PTK2B: variants seen among roughly 807,000 people sequenced by gnomAD.
PTK2B encodes the protein protein-tyrosine kinase 2-beta.
PTK2B carries 71 observed loss-of-function variants against 142.9 expected under a neutral mutation model. The observed-to-expected ratio is 0.50, with a 90% CI of 0.41 to 0.61. PTK2B has a LOEUF of 0.61. Ranked by LOEUF, PTK2B falls within the 20% of genes least tolerant of loss-of-function variation. The pLI, the probability that PTK2B is intolerant of heterozygous loss-of-function variation, is 0.00. For synonymous variants in PTK2B, 519 were observed against 503.4 expected (o/e 1.03, Z -0.42); for missense variants, 1,105 against 1,320.4 (o/e 0.84, Z 2.53).
chr8:27,435,333 C>T lies in PTK2B; in HGVS notation c.1193-410C>T, dbSNP rs1810704724. ...CAGGACTGCACCACCTCCCAAAGGC[C>T]CCACCTCCTAATCCCATCGCATTGG... On this transcript the variant is annotated intron_variant, in intron 13 of 30. Transcript: ENST00000346049. Among the ~76,000 whole-genome samples, 4 of 152,226 alleles carry T rather than the reference C, an allele frequency of 2.6e-5. No homozygotes were observed. In the South Asian group the frequency reaches 8.3e-4, roughly 31 times the overall value.
chr8:27,310,712 TG>T, upstream of PTK2B: 1 of 1,418,452 alleles, frequency 7.0e-7, no homozygotes. Flanking sequence ...CACTGGGCTC[TG>T]GCAGGCAGGA....
At position 27,373,159 on chromosome 8, in the gene PTK2B, G is replaced by A. The variant is rs1034489496; in HGVS notation, c.-37-24389G>A. On this transcript the variant is annotated intron_variant, in intron 1 of 30. Transcript: ENST00000346049. ...GCTGCTTTTGGAGAAAAGACACCCA[G>A]GCCTAAACATCAGGGTCCTGCCCCT... 1.4e-4 allele frequency among the ~76,000 whole-genome samples: 22 copies of A among 152,182 alleles called. No individual in the cohort carries two copies. In the East Asian group the frequency reaches 4.3e-3, roughly 30 times the overall value.
intron 5 of PTK2B, 28 bp downstream of exon 5, chr8:27,422,411 A>G: frequency 6.3e-7 from 1 of 1,588,388 alleles, no homozygotes; most frequent in Admixed American, 1.7e-5. Context: ...CTCTGCTGGG[A>G]GGGCGCTGTG....
In PTK2B at chr8:27,339,278, T is replaced by G. The variant is rs542434240; in HGVS notation, c.-38+13597T>G. Among the ~76,000 whole-genome samples, 4 of 152,294 alleles carry G rather than the reference T, an allele frequency of 2.6e-5. No homozygotes were observed. The East Asian group carries it at 7.7e-4, about 29-fold the overall frequency. On this transcript the variant is annotated intron_variant, in intron 1 of 30. Transcript: ENST00000346049. ...GATTTTCTTGGGTGGGCCCCCCAGCTCTTCATTGCTCTTTCCATCAGCACA... is the reference window on the plus strand; with the variant it reads ...GATTTTCTTGGGTGGGCCCCCCAGCGCTTCATTGCTCTTTCCATCAGCACA...
intron 2 of PTK2B, among the ~76,000 whole-genome samples, chr8:27,403,295 C>T (rs895311475): frequency 6.6e-6 from 1 of 152,194 alleles, no homozygotes; most frequent in African/African-American, 2.4e-5. Flanking sequence ...TGGAAGCAGT[C>T]GCGAATCGCC....
At chr8:27,383,472 G>T (rs928406114) in intron 1 of PTK2B, among the ~76,000 whole-genome samples, 1 of 152,004 alleles carries the variant, frequency 6.6e-6, no homozygotes, top group African/African-American at 2.4e-5. Context: ...TCTCGAAATG[G>T]CTGGTCTCGA....
At chr8:27,359,534 G>A (rs1018334441) in intron 1 of PTK2B, among the ~76,000 whole-genome samples, 1 of 152,110 alleles carries the variant, frequency 6.6e-6, no homozygotes. Context: ...TGTATGGATC[G>A]TCACTGTGAA....
chr8:27,454,416 A>T (rs548983078), intron 29 of PTK2B, 115 bp from the exon 30 acceptor site: 2 of 1,543,144 alleles, frequency 1.3e-6, no homozygotes, highest in Non-Finnish European at 1.8e-6. Context: ...AGGGGAATTG[A>T]GTCCCAGGCC....
chr8:27,399,498 T>C (rs1808250874), intron 2 of PTK2B, among the ~76,000 whole-genome samples: 1 of 152,104 alleles, frequency 6.6e-6, no homozygotes, highest in South Asian at 2.1e-4. Flanking sequence ...GCAGAGAAAT[T>C]TGGAAATGGA....
At chr8:27,457,537 A>G (rs1812209361) in intron 30 of PTK2B, among the ~76,000 whole-genome samples, 1 of 152,246 alleles carries the variant, frequency 6.6e-6, no homozygotes. Flanking sequence ...ATCTGGCCAA[A>G]GTTCACTGAA....
At chr8:27,392,310 CTT>C (rs56770013) in intron 1 of PTK2B, among the ~76,000 whole-genome samples, 6 of 136,020 alleles carry the variant, frequency 4.4e-5, no homozygotes, top group Admixed American at 7.4e-5. Context: ...ACAAAGCGAG[CTT>C]TTTTTTTTTT....
chr8:27,352,212 C>A (rs1019155791), intron 1 of PTK2B, among the ~76,000 whole-genome samples: 57 of 152,222 alleles, frequency 3.7e-4, no homozygotes, highest in African/African-American at 1.3e-3. Context: ...CTGGTGGCTC[C>A]CCATCACCCC....
In PTK2B at chr8:27,387,760, T is replaced by C. The variant is rs551203787; in HGVS notation, c.-37-9788T>C. Among the ~76,000 whole-genome samples the C allele has an allele frequency of 2.6e-5, 4 of 152,254 alleles. No homozygotes were observed. In the South Asian group the frequency reaches 8.3e-4, roughly 32 times the overall value. On this transcript the variant is annotated intron_variant, in intron 1 of 30. Coordinates refer to ENST00000346049, the MANE Select transcript of PTK2B (RefSeq NM_173176.3). ...GTGAATTTACAGTTAGCCTAAATCC[T>C]ATTTTTTAATCCATCCACTGCTAAA...
intron 5 of PTK2B, among the ~76,000 whole-genome samples, chr8:27,425,144 TATATGCTACTATATAAC>T (rs1052603220): frequency 1.3e-4 from 19 of 151,712 alleles, no homozygotes; most frequent in East Asian, 7.7e-4. Context: ...ATATAACATA[TATATGCTACTATATAAC>T]ATATGCTACT....
intron 24 of PTK2B, among the ~76,000 whole-genome samples, 185 bp from the exon 25 acceptor site, chr8:27,450,564 T>C (rs2132441375): frequency 6.6e-6 from 1 of 152,200 alleles, no homozygotes; most frequent in Non-Finnish European, 1.5e-5. Flanking sequence ...AGATACATGC[T>C]CGGGGCTGAT....
chr8:27,407,030 G>A (rs575804709), intron 2 of PTK2B, among the ~76,000 whole-genome samples: 1 of 152,170 alleles, frequency 6.6e-6, no homozygotes, highest in Admixed American at 6.5e-5. Context: ...ATCTCAGCGT[G>A]GCATCAAGAA....
At chr8:27,379,442 G>A (rs193040442) in intron 1 of PTK2B, among the ~76,000 whole-genome samples, 5 of 152,182 alleles carry the variant, frequency 3.3e-5, no homozygotes, top group Admixed American at 3.3e-4. Flanking sequence ...GGCCCAGGCT[G>A]GTCTCAAACT....
At position 27,372,784 on chromosome 8, in the gene PTK2B, G is replaced by A. The variant is rs551217842; in HGVS notation, c.-37-24764G>A. 1.3e-3 allele frequency among the ~76,000 whole-genome samples: 201 copies of A among 152,308 alleles called. 1 individual carries two copies. Among genetic ancestry groups the A allele is most frequent in the Non-Finnish European group, 2.3e-3 (156 of 68,016 alleles). ...GGAGGGAAGGGTAACCCTAGCTGAG[G>A]TTGGGACAGAGGATGCAAACTAGTG... On this transcript the variant is annotated intron_variant, in intron 1 of 30. Coordinates refer to ENST00000346049, the MANE Select transcript of PTK2B (RefSeq NM_173176.3).
intron 22 of PTK2B, among the ~76,000 whole-genome samples, chr8:27,443,336 G>A (rs771902556): frequency 9.9e-5 from 15 of 152,182 alleles, no homozygotes; most frequent in Admixed American, 2.0e-4. Flanking sequence ...TCTATACCCC[G>A]CATGGCCACC....
Sources: allele counts gnomAD v4.1 joint callset (sites outside exome capture counted in the v4.1 genomes callset), GRCh38; gene constraint gnomAD v4.1.1; transcripts MANE v1.5; gene names NCBI Gene and HGNC (gene_info 2026-07-23, HGNC 2026-07-21).